Variants in KCNJ6 observed in about 807,000 individuals in gnomAD.
KCNJ6 encodes the protein potassium inwardly rectifying channel subfamily J member 6, also known as G protein-activated inward rectifier potassium channel 2.
KCNJ6 carries 9 observed loss-of-function variants against 34.2 expected under a neutral mutation model. The ratio of observed to expected loss-of-function variants is 0.26; its 90% CI spans 0.16 to 0.46. The LOEUF (loss-of-function observed/expected upper bound fraction) is 0.46, where lower values mean the gene tolerates loss of function less well. Among genes scored for constraint, KCNJ6 ranks in the 20% least tolerant of loss-of-function variants. The probability of loss-of-function intolerance (pLI) is 1.00; values close to 1 mark genes in which losing one functional copy is unlikely to be tolerated. For synonymous variants in KCNJ6, 196 were observed against 207.1 expected, an observed-to-expected ratio of 0.95 and a Z score of 0.46; for missense variants, 236 against 531.3, an observed-to-expected ratio of 0.44 and a Z score of 5.46.
intron 1 of KCNJ6, among the ~76,000 whole-genome samples, chr21:37,878,227 T>A (rs770250570): frequency 1.3e-5 from 2 of 152,108 alleles, no homozygotes; most frequent in Non-Finnish European, 2.9e-5. Flanking sequence ...GGAGTTGTAA[T>A]GTCATATCCC....
chr21:37,830,416 A>G (rs1307217429), intron 2 of KCNJ6, among the ~76,000 whole-genome samples: 1 of 152,116 alleles, frequency 6.6e-6, no homozygotes, highest in Non-Finnish European at 1.5e-5. Context: ...TTGATTTTCA[A>G]CTACTCCCCT....
rs71198886 is a variant in KCNJ6, at chr21:37,677,790, A to AT, written c.946+36420_946+36421insA. ...CATTTGTCCATCCATCCATCCATCC[A>AT]CCCACCTATCCACCCACCCATCCAG... On this transcript the variant is annotated intron_variant, in intron 3 of 3. Transcript: ENST00000609713. Among the ~76,000 whole-genome samples, 401 of 146,726 alleles carry AT rather than the reference A, an allele frequency of 2.7e-3. 1 individual carries two copies. Among genetic ancestry groups the AT allele is most frequent in the South Asian group, 4.0e-3 (18 of 4,494 alleles).
chr21:37,765,887 T>C (rs745798926), intron 2 of KCNJ6, among the ~76,000 whole-genome samples: 2 of 152,248 alleles, frequency 1.3e-5, no homozygotes, highest in Non-Finnish European at 2.9e-5. Context: ...CAATTGGCTA[T>C]GTAAAATTTA....
At chr21:37,776,968 C>T (rs1304858364) in intron 2 of KCNJ6, among the ~76,000 whole-genome samples, 2 of 152,152 alleles carry the variant, frequency 1.3e-5, no homozygotes, top group African/African-American at 2.4e-5. Context: ...GCTGTGAATC[C>T]GTCTGGTCCT....
At position 37,607,482 on chromosome 21, in the gene KCNJ6, A is replaced by ATATATATATTTT; in HGVS notation, c.*17676_*17677insAAAATATATATA. On this transcript the variant is annotated 3_prime_UTR_variant, in exon 4 of 4. Transcript: ENST00000609713. Reference sequence around the variant, plus strand: ...CTTAAAGATATATATATATATATATATTTTTTTTTTATTTTAAAAAAATTT... The same window carrying ATATATATATTTT: ...CTTAAAGATATATATATATATATATATATATATATTTTTTTTTTTTTTATTTTAAAAAAATTT... The ATATATATATTTT allele has an allele frequency of 1.0e-3, 139 of 136,730 alleles. No homozygotes were observed. Among genetic ancestry groups the ATATATATATTTT allele is most frequent in the Admixed American group, 1.9e-3 (26 of 13,440 alleles). The allele number at this position is 136,730 out of a possible 1,614,324, so 8.5% of individuals were successfully genotyped here.
intron 2 of KCNJ6, 50 bp downstream of exon 2, chr21:37,840,608 C>A (rs768006351): frequency 7.5e-7 from 1 of 1,336,002 alleles, no homozygotes. Flanking sequence ...TGCGATTTTG[C>A]ATTTTCCCAT....
chr21:37,894,402 C>T (rs535098277), intron 1 of KCNJ6, among the ~76,000 whole-genome samples: 1 of 152,292 alleles, frequency 6.6e-6, no homozygotes, highest in Non-Finnish European at 1.5e-5. Context: ...TGGTGGCTCA[C>T]GCCTGTAATC....
chr21:37,657,564 CAG>C (rs1365014783), intron 3 of KCNJ6, among the ~76,000 whole-genome samples: 1 of 152,182 alleles, frequency 6.6e-6, no homozygotes, highest in Non-Finnish European at 1.5e-5. Context: ...CCCAGCTTGA[CAG>C]GGGTTCACTA....
intron 1 of KCNJ6, among the ~76,000 whole-genome samples, chr21:37,906,862 C>T (rs1265722276): frequency 2.0e-5 from 3 of 152,138 alleles, no homozygotes; most frequent in African/African-American, 7.2e-5. Context: ...CTACTGTGGG[C>T]CCAGCCACCC....
At chr21:37,662,513 G>A (rs1448108739) in intron 3 of KCNJ6, among the ~76,000 whole-genome samples, 1 of 152,142 alleles carries the variant, frequency 6.6e-6, no homozygotes, top group African/African-American at 2.4e-5. Flanking sequence ...GTCTATCATT[G>A]TGGGCATTTG....
intron 1 of KCNJ6, among the ~76,000 whole-genome samples, chr21:37,857,151 C>T (rs575591478): frequency 1.3e-5 from 2 of 152,226 alleles, no homozygotes; most frequent in South Asian, 4.2e-4. Context: ...AGTAAAGATA[C>T]CAAGAAACTG....
At position 37,728,578 on chromosome 21, in the gene KCNJ6, C is replaced by T. The variant is rs75596906; in HGVS notation, c.26-13447G>A. Among the ~76,000 whole-genome samples the T allele has an allele frequency of 7.1e-3, 1,078 of 152,234 alleles. 8 individuals carry two copies. The highest frequency in any genetic ancestry group is 0.025 in the African/African-American group (1,020 of 41,536). ...GAAGAGCTTACAAAGAGCTACGATG[C>T]TATAGCTCCAGACTGAAAAATGGTG... On this transcript the variant is annotated intron_variant, in intron 2 of 3. Transcript: ENST00000609713.
At chr21:37,862,464 G>A (rs2055599442) in intron 1 of KCNJ6, among the ~76,000 whole-genome samples, 4 of 152,212 alleles carry the variant, frequency 2.6e-5, no homozygotes. Flanking sequence ...ATTCTAAAAG[G>A]CGAAGGCTTT....
In KCNJ6 at chr21:37,621,459, A is replaced by G. The variant is rs2054289675; in HGVS notation, c.*3700T>C. 1 of 152,262 alleles carries G rather than the reference A, an allele frequency of 6.6e-6. No individual in the cohort carries two copies. Among genetic ancestry groups the G allele is most frequent in the African/African-American group, 2.4e-5 (1 of 41,470 alleles). The allele number at this position is 152,262 out of a possible 1,614,324, so 9.4% of individuals were successfully genotyped here. On this transcript the variant is annotated 3_prime_UTR_variant, in exon 4 of 4. Coordinates refer to ENST00000609713, the MANE Select transcript of KCNJ6 (RefSeq NM_002240.5). Reference sequence around the variant, plus strand: ...ATAAAAAAGCAAAGGGGAAAAAAGTAAGAAAACTGAAATGTAAGAAAATGT... The same window carrying G: ...ATAAAAAAGCAAAGGGGAAAAAAGTGAGAAAACTGAAATGTAAGAAAATGT...
At chr21:37,734,888 C>T (rs2054904772) in intron 2 of KCNJ6, among the ~76,000 whole-genome samples, 1 of 152,080 alleles carries the variant, frequency 6.6e-6, no homozygotes, top group Admixed American at 6.5e-5. Context: ...CTTAGGATAA[C>T]CTACGCACAT....
chr21:37,746,428 T>C (rs1472711354), intron 2 of KCNJ6, among the ~76,000 whole-genome samples: 2 of 152,210 alleles, frequency 1.3e-5, no homozygotes, highest in African/African-American at 4.8e-5. Flanking sequence ...GGCCTATCTC[T>C]GAGGCAGAGG....
chr21:37,737,433 G>C (rs1017003009), intron 2 of KCNJ6, among the ~76,000 whole-genome samples: 7 of 151,594 alleles, frequency 4.6e-5, no homozygotes, highest in Non-Finnish European at 8.8e-5. Context: ...GAAGCAGAAC[G>C]AAAGTCAAGA....
intron 2 of KCNJ6, among the ~76,000 whole-genome samples, chr21:37,745,099 T>G (rs1183704928): frequency 1.5e-4 from 7 of 45,980 alleles, no homozygotes; most frequent in Non-Finnish European, 3.1e-4. Context: ...TTTTTTTTTT[T>G]TTTTTTTTTT....
chr21:37,737,970 G>A (rs943806945), intron 2 of KCNJ6, among the ~76,000 whole-genome samples: 2 of 152,198 alleles, frequency 1.3e-5, no homozygotes, highest in African/African-American at 4.8e-5. Flanking sequence ...GTCAAACCAT[G>A]CTCTGCACCT....
Sources: allele counts gnomAD v4.1 joint callset (sites outside exome capture counted in the v4.1 genomes callset), GRCh38; gene constraint gnomAD v4.1.1; transcripts MANE v1.5; gene names NCBI Gene and HGNC (gene_info 2026-07-23, HGNC 2026-07-21).